Variants in ABR observed in about 807,000 individuals in gnomAD.
ABR encodes ABR activator of RhoGEF and GTPase, also known as active breakpoint cluster region-related protein.
ABR carries 35 observed loss-of-function variants against 107.2 expected under a neutral mutation model. The ratio of observed to expected loss-of-function variants is 0.33; its 90% confidence interval spans 0.25 to 0.43. ABR has a LOEUF of 0.43. Among genes scored for constraint, ABR ranks in the 20% least tolerant of loss-of-function variants. ABR has a pLI of 1.00. For missense variants in ABR, 815 were observed against 1,115.2 expected, an observed-to-expected ratio of 0.73 and a Z score of 3.83; for synonymous variants, 498 against 462.0, an observed-to-expected ratio of 1.08 and a Z score of -1.00.
At chr17:1,056,171 C>A (rs1011057606) in intron 13 of ABR, 62 bp from the exon 14 acceptor site, 4 of 1,455,152 alleles carry the variant, frequency 2.7e-6, no homozygotes, top group Non-Finnish European at 3.9e-6. Context: ...GCCTCCACCC[C>A]AGGCCGGCGG....
intron 1 of ABR, among the ~76,000 whole-genome samples, chr17:1,161,447 T>C (rs556299906): frequency 3.0e-4 from 46 of 152,124 alleles, no homozygotes; most frequent in African/African-American, 1.1e-3. Context: ...GGTCTTGATA[T>C]GTTGCCCGGA....
rs2032308048 is a variant in ABR, at chr17:1,050,234, C to T, written c.1660-53G>A. The stretch of plus-strand genomic sequence containing the variant: ...GAACCTCCGAAGCTGGGAGGCCTGG[C>T]TTTCCGGCAGGTGCGTGCCTCAGCT... On this transcript the variant is annotated intron_variant, in intron 15 of 22. Coordinates refer to ENST00000302538, the MANE Select transcript of ABR (RefSeq NM_021962.5). This position sits in a 1 kb window ranked among gnomAD's most constrained non-coding sequence, Gnocchi z 4.6. The T allele has an allele frequency of 1.9e-6, 3 of 1,578,372 alleles. No homozygotes were observed. The South Asian group carries it at 3.5e-5, about 18-fold the overall frequency.
chr17:1,017,919 G>A (rs2071288848), intron 16 of ABR, among the ~76,000 whole-genome samples: 1 of 151,392 alleles, frequency 6.6e-6, no homozygotes, highest in Non-Finnish European at 1.5e-5. Context: ...TATTTTTCTA[G>A]AGACAGGGTC....
chr17:1,199,326 G>A (rs962641221), intron 1 of ABR, among the ~76,000 whole-genome samples: 1 of 151,052 alleles, frequency 6.6e-6, no homozygotes, highest in Non-Finnish European at 1.5e-5. Flanking sequence ...ACTGGCAGGG[G>A]CTCATCTGTA....
upstream of ABR, among the ~76,000 whole-genome samples, chr17:1,192,221 C>T (rs555674071): frequency 1.3e-5 from 2 of 152,232 alleles, no homozygotes; most frequent in East Asian, 3.9e-4. Context: ...AAGCAATCCT[C>T]CTGCCTCATC....
chr17:1,005,454 G>A lies in ABR; in HGVS notation c.*626C>T. The stretch of plus-strand genomic sequence containing the variant: ...AAGCAGGTGTGCTCCCAAAGGCGGA[G>A]TCTGAGGAGGGGCCGGCAGCGGCAA... On this transcript the variant is annotated 3_prime_UTR_variant, in exon 23 of 23. Coordinates refer to ENST00000302538, the MANE Select transcript of ABR (RefSeq NM_021962.5). The A allele has an allele frequency of 3.3e-6, 1 of 300,304 alleles. No homozygotes were observed. Among genetic ancestry groups the A allele is most frequent in the Non-Finnish European group, 6.1e-6 (1 of 163,998 alleles). The allele number at this position is 300,304 out of a possible 1,614,324, so 18.6% of individuals were successfully genotyped here. A position where few individuals can be genotyped will look rare whatever the true frequency, so the allele number is the denominator to read the frequency against.
intron 5 of ABR, 111 bp downstream of exon 5, chr17:1,083,409 C>CGTATCATTAAAAAA: frequency 1.5e-6 from 1 of 673,394 alleles, no homozygotes; most frequent in Non-Finnish European, 2.6e-6. Context: ...AAGTGTTACC[C>CGTATCATTAAAAAA]ATTAGAGTAA....
intron 6 of ABR, among the ~76,000 whole-genome samples, chr17:1,077,133 A>G (rs2035802288): frequency 6.6e-6 from 1 of 152,206 alleles, no homozygotes; most frequent in African/African-American, 2.4e-5. Context: ...GGAGCTGGGT[A>G]GATCCACCCG....
chr17:1,129,510 C>T (rs1013019078), intron 1 of ABR, among the ~76,000 whole-genome samples: 4 of 151,794 alleles, frequency 2.6e-5, no homozygotes, highest in African/African-American at 7.3e-5. Flanking sequence ...CCAGACTGGG[C>T]GACAGATCAA....
upstream of ABR, among the ~76,000 whole-genome samples, chr17:1,181,429 T>C (rs2042129641): frequency 6.6e-6 from 1 of 152,038 alleles, no homozygotes; most frequent in African/African-American, 2.4e-5. Context: ...TCAATATTAT[T>C]AGCCCGTCCC....
Position 1,050,426 on chromosome 17 carries a change from AGG to A in ABR, c.1659+109_1659+110del. ...GAAGCCAGAGGAGCAGGGAGCAGAA[AGG>A]GGGGTGCAGACATAGCTGGTCCAAC... On this transcript the variant is annotated intron_variant, in intron 15 of 22. Transcript: ENST00000302538. This position sits in a 1 kb window ranked among gnomAD's most constrained non-coding sequence, Gnocchi z 4.6. 9.2e-7 allele frequency: 1 copy of A among 1,092,178 alleles called. No homozygotes were observed. The highest frequency in any genetic ancestry group is 1.3e-5 in the South Asian group (1 of 77,366). 67.7% of individuals were successfully genotyped at this position (1,092,178 alleles called of 1,614,324 possible).
rs2072764490 is a variant in ABR, at chr17:1,031,573, C to CG, written c.1792-18410dup. On this transcript the variant is annotated intron_variant, in intron 16 of 22. Coordinates refer to ENST00000302538, the MANE Select transcript of ABR (RefSeq NM_021962.5). ...GCAGCGCCCCCGAGCCCCCACCCCC[C>CG]GGAACCTCCAGCCCCCGCGGGCACC... 9 of 1,198,008 alleles carry CG rather than the reference C, an allele frequency of 7.5e-6. No homozygotes were observed. In the South Asian group the frequency reaches 2.4e-4, roughly 32 times the overall value. 74.2% of individuals were successfully genotyped at this position (1,198,008 alleles called of 1,614,324 possible).
chr17:1,026,835 A>G (rs1018123280), intron 16 of ABR, among the ~76,000 whole-genome samples: 2 of 152,178 alleles, frequency 1.3e-5, no homozygotes, highest in Admixed American at 6.5e-5. Flanking sequence ...GAGCGAGGCC[A>G]CTCAGCAGAG....
intron 16 of ABR, among the ~76,000 whole-genome samples, chr17:1,028,289 G>T (rs2072405726): frequency 6.6e-6 from 1 of 150,948 alleles, no homozygotes; most frequent in Admixed American, 6.6e-5. Flanking sequence ...AGTAGACACG[G>T]GGTTTCACCA....
At chr17:1,021,200 G>A (rs1006783213) in intron 16 of ABR, among the ~76,000 whole-genome samples, 2 of 152,180 alleles carry the variant, frequency 1.3e-5, no homozygotes, top group Non-Finnish European at 2.9e-5. Context: ...TTCAGTGGAC[G>A]CCACTCAGGA....
chr17:1,127,391 C>T (rs949891808), intron 1 of ABR, among the ~76,000 whole-genome samples: 3 of 152,228 alleles, frequency 2.0e-5, no homozygotes, highest in Admixed American at 2.0e-4. Flanking sequence ...GGCCCAGTGC[C>T]CTGGAGACCA....
Position 1,084,877 on chromosome 17 carries a change from C to T in ABR, c.532-1250G>A, listed in dbSNP as rs377619431. 1.2e-3 allele frequency among the ~76,000 whole-genome samples: 183 copies of T among 152,106 alleles called. No homozygotes were observed. Among genetic ancestry groups the T allele is most frequent in the African/African-American group, 4.0e-3 (167 of 41,426 alleles). On this transcript the variant is annotated intron_variant, in intron 4 of 22. Coordinates refer to ENST00000302538, the MANE Select transcript of ABR (RefSeq NM_021962.5). This position sits in a 1 kb window ranked among gnomAD's most constrained non-coding sequence, Gnocchi z 4.2. Reference sequence around the variant, plus strand: ...AGGCTGCAGTACAGTGGTGCGATCTCGGCTCACCGCAACCTCCCGGATTCA... The same window carrying T: ...AGGCTGCAGTACAGTGGTGCGATCTTGGCTCACCGCAACCTCCCGGATTCA...
intron 10 of ABR, 131 bp from the exon 11 acceptor site, chr17:1,058,998 T>C: frequency 7.3e-7 from 1 of 1,370,846 alleles, no homozygotes; most frequent in Non-Finnish European, 9.9e-7. Context: ...TTTTGACATC[T>C]TGTGGCAGGA....
intron 2 of ABR, among the ~76,000 whole-genome samples, chr17:1,119,694 A>T (rs1180165315): frequency 6.6e-6 from 1 of 152,154 alleles, no homozygotes; most frequent in African/African-American, 2.4e-5. Flanking sequence ...CACAGGGCGG[A>T]TGCACCCCAC....
Sources: gnomAD v4.1 joint callset for allele counts (sites outside exome capture counted in the v4.1 genomes callset) on GRCh38, gnomAD v4.1.1 for gene constraint, Gnocchi (gnomAD v3.1) non-coding constraint, MANE v1.5 for transcripts, NCBI Gene and HGNC (gene_info 2026-07-23, HGNC 2026-07-21) for gene names.